Variants in OR56B2 observed in about 807,000 individuals in gnomAD.
OR56B2 encodes olfactory receptor family 56 subfamily B member 2.
At chr11:5,763,462 C>T in the OR56B2 span, among the ~76,000 whole-genome samples, 80,694 of 137,810 alleles carry the variant, frequency 0.59, 31,155 homozygotes, top group Non-Finnish European at 0.73. Flanking sequence ...TACAGGCACA[C>T]GCCACCATGC....
the OR56B2 span, chr11:5,766,924 A>G: frequency 3.6e-4 from 51 of 140,252 alleles, 5 homozygotes; most frequent in African/African-American, 1.3e-3. Context: ...AAACCTGTAC[A>G]CAAATGTTTA....
chr11:5,763,285 C>T, the OR56B2 span, among the ~76,000 whole-genome samples: 1 of 150,298 alleles, frequency 6.7e-6, no homozygotes, highest in Non-Finnish European at 1.5e-5. Flanking sequence ...TCCTTTCAAT[C>T]CCTGTCTCCT....
the OR56B2 span, among the ~76,000 whole-genome samples, chr11:5,768,811 CTTTA>C: frequency 1.4e-5 from 2 of 139,376 alleles, 1 homozygote; most frequent in African/African-American, 5.2e-5. Context: ...CATAATGTGC[CTTTA>C]TTTAATCATA....
the OR56B2 span, among the ~76,000 whole-genome samples, chr11:5,762,284 C>G: frequency 6.6e-6 from 1 of 151,936 alleles, no homozygotes; most frequent in Non-Finnish European, 1.5e-5. Flanking sequence ...TACTCTCTAG[C>G]AATTTAAACA....
chr11:5,763,809 G>T, the OR56B2 span, among the ~76,000 whole-genome samples: 1 of 139,418 alleles, frequency 7.2e-6, no homozygotes, highest in Non-Finnish European at 1.6e-5. Flanking sequence ...AGGTTTCTAT[G>T]GGAGATACGT....
chr11:5,763,554 C>T, the OR56B2 span, among the ~76,000 whole-genome samples: 11 of 139,894 alleles, frequency 7.9e-5, 2 homozygotes, highest in African/African-American at 1.8e-4. Context: ...CCTCCTGATC[C>T]GCCTGCCTGG....
chr11:5,767,927 GACTA>G, the OR56B2 span, among the ~76,000 whole-genome samples: 2 of 139,306 alleles, frequency 1.4e-5, no homozygotes, highest in South Asian at 2.3e-4. Context: ...AATAATGAGA[GACTA>G]ACTAATAGTT....
chr11:5,761,628 G>A, the OR56B2 span, among the ~76,000 whole-genome samples: 13 of 152,002 alleles, frequency 8.6e-5, no homozygotes, highest in Non-Finnish European at 1.6e-4. Context: ...ATTAGACACT[G>A]TAACTCTCCA....
chr11:5,768,151 C>G, the OR56B2 span, among the ~76,000 whole-genome samples: 10,479 of 137,662 alleles, frequency 0.076, 2,044 homozygotes, highest in African/African-American at 0.1. Context: ...AGTGTACCCA[C>G]CATAGTGGGT....
chr11:5,761,922 T>C, the OR56B2 span, among the ~76,000 whole-genome samples: 1 of 152,096 alleles, frequency 6.6e-6, no homozygotes, highest in Non-Finnish European at 1.5e-5. Context: ...CAGAATTTCA[T>C]TTTCACCCAA....
the OR56B2 span, chr11:5,761,324 A>G: frequency 6.6e-6 from 1 of 152,194 alleles, no homozygotes; most frequent in Non-Finnish European, 1.5e-5. Flanking sequence ...AGCCTCAGCT[A>G]TGATGGAGGC....
the OR56B2 span, among the ~76,000 whole-genome samples, chr11:5,768,444 C>A: frequency 7.2e-6 from 1 of 139,838 alleles, no homozygotes; most frequent in Non-Finnish European, 1.6e-5. Context: ...GTATATCATA[C>A]CACATTTTTT....
At chr11:5,765,191 G>A in the OR56B2 span, 1 of 181,510 alleles carries the variant, frequency 5.5e-6, no homozygotes, top group African/African-American at 2.6e-5. Flanking sequence ...ACAGTTGGCA[G>A]CACTGGCTCT....
At chr11:5,767,608 C>T in the OR56B2 span, 2 of 138,850 alleles carry the variant, frequency 1.4e-5, no homozygotes, top group Admixed American at 7.5e-5. Context: ...ACTTATCTTA[C>T]AAAAATTCAA....
At chr11:5,762,201 T>A in the OR56B2 span, among the ~76,000 whole-genome samples, 1 of 146,474 alleles carries the variant, frequency 6.8e-6, no homozygotes, top group Non-Finnish European at 1.5e-5. Context: ...AGATGCCACA[T>A]GTATTTTTTT....
chr11:5,765,236 C>A, the OR56B2 span: 1 of 171,418 alleles, frequency 5.8e-6, no homozygotes, highest in South Asian at 1.6e-4. Flanking sequence ...TCTTAGCTCT[C>A]AGTGCCAACA....
chr11:5,762,612 A>G, the OR56B2 span, among the ~76,000 whole-genome samples: 1 of 152,128 alleles, frequency 6.6e-6, no homozygotes, highest in Non-Finnish European at 1.5e-5. Flanking sequence ...CTGATAGATC[A>G]GTAGACTGAC....
chr11:5,766,794 T>C, the OR56B2 span: 6 of 139,920 alleles, frequency 4.3e-5, 2 homozygotes, highest in African/African-American at 1.3e-4. Flanking sequence ...GAAGTAAAAA[T>C]GGCACAGTGG....
the OR56B2 span, among the ~76,000 whole-genome samples, chr11:5,762,556 C>A: frequency 6.6e-5 from 10 of 151,864 alleles, no homozygotes; most frequent in African/African-American, 2.4e-4. Flanking sequence ...CATTTAACTC[C>A]TTTGGTACAA....
Sources: allele counts gnomAD v4.1 joint callset (sites outside exome capture counted in the v4.1 genomes callset), GRCh38; gene constraint gnomAD v4.1.1; transcripts MANE v1.5; gene names NCBI Gene and HGNC (gene_info 2026-07-23, HGNC 2026-07-21).